The following ARHGAP10 variants were observed in gnomAD, a reference collection of about 807,000 sequenced individuals.
ARHGAP10 encodes the protein Rho GTPase activating protein 10, also known as rho GTPase-activating protein 10.
Under a neutral mutation model 108.6 loss-of-function variants are expected in ARHGAP10, and 87 were observed. The ratio of observed to expected loss-of-function variants is 0.80; its 90% CI spans 0.67 to 0.96. ARHGAP10 has a LOEUF of 0.96. Ranked by LOEUF, ARHGAP10 falls within the 40% of genes least tolerant of loss-of-function variation. The pLI, the probability that ARHGAP10 is intolerant of heterozygous loss-of-function variation, is 0.00. For synonymous variants in ARHGAP10, 347 were observed against 341.1 expected, an observed-to-expected ratio of 1.02 and a Z score of -0.19; for missense variants, 939 against 954.5, an observed-to-expected ratio of 0.98 and a Z score of 0.21.
rs191144405 is a variant in ARHGAP10, at chr4:147,759,658, T to C, written c.154+27203T>C. On this transcript the variant is annotated intron_variant, in intron 1 of 22. Coordinates refer to ENST00000336498, the MANE Select transcript of ARHGAP10 (RefSeq NM_024605.4). Reference sequence around the variant, plus strand: ...TTAATCTGGCGTATCCAAAATATTATTTCAACGTGTAACCAGCATAAAAAT... The same window carrying C: ...TTAATCTGGCGTATCCAAAATATTACTTCAACGTGTAACCAGCATAAAAAT... Among the ~76,000 whole-genome samples, 14 of 152,068 alleles carry C rather than the reference T, an allele frequency of 9.2e-5. No individual in the cohort carries two copies. The East Asian group carries it at 2.5e-3, about 27-fold the overall frequency.
At chr4:147,925,601 A>G (rs1345155000) in intron 13 of ARHGAP10, among the ~76,000 whole-genome samples, 2 of 152,164 alleles carry the variant, frequency 1.3e-5, no homozygotes, top group Non-Finnish European at 2.9e-5. Flanking sequence ...TATTTCTTAC[A>G]GGGAAGGTAT....
intron 22 of ARHGAP10, 93 bp from the exon 23 acceptor site, chr4:148,071,900 A>G (rs973922603): frequency 9.5e-7 from 1 of 1,049,944 alleles, no homozygotes; most frequent in Non-Finnish European, 1.4e-6. Flanking sequence ...CCTGTTCTCT[A>G]CTGGCCACTC....
At chr4:147,946,742 A>G (rs748929674) in intron 15 of ARHGAP10, 38 bp downstream of exon 15, 17 of 1,474,128 alleles carry the variant, frequency 1.2e-5, no homozygotes, top group Admixed American at 2.1e-5. Context: ...AGAATGGACT[A>G]TTTGGATCTG....
intron 7 of ARHGAP10, among the ~76,000 whole-genome samples, chr4:147,869,998 TTGTGTGTGTGTG>T (rs1553958575): frequency 2.1e-5 from 2 of 93,068 alleles, no homozygotes; most frequent in African/African-American, 8.8e-5. Flanking sequence ...AAGTCCCAGT[TTGTGTGTGTGTG>T]TGTGTGTGTG....
intron 4 of ARHGAP10, 99 bp from the exon 5 acceptor site, chr4:147,857,453 GT>G: frequency 8.5e-7 from 1 of 1,176,204 alleles, no homozygotes; most frequent in Non-Finnish European, 1.1e-6. Context: ...GTGGTGCTTT[GT>G]TTTATTTTCA....
At chr4:148,047,200 A>G in intron 20 of ARHGAP10, 149 bp downstream of exon 20, 1 of 958,382 alleles carries the variant, frequency 1.0e-6, no homozygotes, top group Non-Finnish European at 1.5e-6. Flanking sequence ...CAAAGGGAGA[A>G]GGGTCCTTAA....
intron 1 of ARHGAP10, among the ~76,000 whole-genome samples, chr4:147,735,502 ATGG>A (rs1324334869): frequency 6.6e-6 from 1 of 152,216 alleles, no homozygotes; most frequent in East Asian, 1.9e-4. Context: ...TTTGGCTGGA[ATGG>A]TGGTTTTTCA....
Position 148,064,508 on chromosome 4 carries a change from G to GT in ARHGAP10, c.2272+2dup. The GT allele has an allele frequency of 6.2e-7, 1 of 1,613,366 alleles. No individual in the cohort carries two copies. On this transcript the variant is annotated splice_donor_variant, in intron 22 of 22. Coordinates refer to ENST00000336498, the MANE Select transcript of ARHGAP10 (RefSeq NM_024605.4). LOFTEE classifies it high-confidence loss of function. ...GAAATAGGAGCAATTTTTGAGGATG[G>GT]TAAGTGTTAGTGGGAGCTTCGTCTG...
chr4:147,898,913 C>G (rs60280395), intron 10 of ARHGAP10, among the ~76,000 whole-genome samples: 6,160 of 152,290 alleles, frequency 0.04, 396 homozygotes, highest in African/African-American at 0.14. Flanking sequence ...AGGAGAGCAG[C>G]ACGGGGGAAC....
intron 1 of ARHGAP10, among the ~76,000 whole-genome samples, chr4:147,800,433 G>A (rs1389821749): frequency 2.0e-5 from 3 of 152,124 alleles, no homozygotes; most frequent in Non-Finnish European, 2.9e-5. Flanking sequence ...TGCATATGTC[G>A]AGGCTCCCCT....
At position 147,881,824 on chromosome 4, in the gene ARHGAP10, A is replaced by C. The variant is rs1560807341; in HGVS notation, c.940-14A>C. 6.2e-7 allele frequency: 1 copy of C among 1,613,012 alleles called. No homozygotes were observed. Among genetic ancestry groups the C allele is most frequent in the Non-Finnish European group, 8.5e-7 (1 of 1,179,298 alleles). ...CCTGTAGGTTTTGAGAATGTTCAAAATGATTATTTGCAGGGGGACGGAGAG... is the reference window on the plus strand; with the variant it reads ...CCTGTAGGTTTTGAGAATGTTCAAACTGATTATTTGCAGGGGGACGGAGAG... On this transcript the variant is annotated splice_polypyrimidine_tract_variant and intron_variant, in intron 9 of 22. Transcript: ENST00000336498.
At chr4:147,796,441 C>G (rs543051398) in intron 1 of ARHGAP10, among the ~76,000 whole-genome samples, 1 of 152,226 alleles carries the variant, frequency 6.6e-6, no homozygotes, top group South Asian at 2.1e-4. Context: ...AACAACGGAG[C>G]TTCCTCTTAG....
Position 147,816,129 on chromosome 4 carries a change from G to T in ARHGAP10, c.155-6598G>T, listed in dbSNP as rs370797877. Among the ~76,000 whole-genome samples, 4 of 151,666 alleles carry T rather than the reference G, an allele frequency of 2.6e-5. No homozygotes were observed. In the East Asian group the frequency reaches 5.8e-4, roughly 22 times the overall value. On this transcript the variant is annotated intron_variant, in intron 1 of 22. Coordinates refer to ENST00000336498, the MANE Select transcript of ARHGAP10 (RefSeq NM_024605.4). ...GGGCTAGGTGGTCGCCAGCATTCTCGTCCTATCTCCCATCCTGATGTGGCA... is the reference window on the plus strand; with the variant it reads ...GGGCTAGGTGGTCGCCAGCATTCTCTTCCTATCTCCCATCCTGATGTGGCA...
At chr4:147,923,097 G>A (rs541589261) in intron 13 of ARHGAP10, among the ~76,000 whole-genome samples, 51 of 152,276 alleles carry the variant, frequency 3.3e-4, no homozygotes, top group African/African-American at 1.1e-3. Context: ...AATTTCTAAA[G>A]TTATTGGAAG....
chr4:147,793,100 A>G (rs1050353993), intron 1 of ARHGAP10, among the ~76,000 whole-genome samples: 2 of 152,074 alleles, frequency 1.3e-5, no homozygotes, highest in African/African-American at 4.8e-5. Flanking sequence ...AGATTGCACC[A>G]CTGCACTCCA....
intron 16 of ARHGAP10, among the ~76,000 whole-genome samples, chr4:147,964,454 G>C (rs1739128375): frequency 6.6e-6 from 1 of 152,146 alleles, no homozygotes; most frequent in Admixed American, 6.5e-5. Context: ...TCTGTTTCTA[G>C]GGCTCTGTGA....
At chr4:147,810,094 C>A (rs1276955197) in intron 1 of ARHGAP10, among the ~76,000 whole-genome samples, 2 of 152,072 alleles carry the variant, frequency 1.3e-5, no homozygotes, top group Admixed American at 1.3e-4. Flanking sequence ...TTACATTCAC[C>A]CTTTTTGAGC....
intron 1 of ARHGAP10, among the ~76,000 whole-genome samples, chr4:147,787,380 C>T (rs2126741405): frequency 2.0e-5 from 3 of 152,072 alleles, no homozygotes; most frequent in Admixed American, 2.0e-4. Flanking sequence ...AACACAACAT[C>T]AGCAGGGGGA....
At chr4:147,844,824 G>C (rs1403708585) in intron 3 of ARHGAP10, among the ~76,000 whole-genome samples, 1 of 152,144 alleles carries the variant, frequency 6.6e-6, no homozygotes, top group Non-Finnish European at 1.5e-5. Context: ...TAACGAGTCT[G>C]TCTTCCGGTT....
Sources: allele counts gnomAD v4.1 joint callset (sites outside exome capture counted in the v4.1 genomes callset), GRCh38; gene constraint gnomAD v4.1.1; transcripts MANE v1.5; gene names NCBI Gene and HGNC (gene_info 2026-07-23, HGNC 2026-07-21).